EML2: variants seen among roughly 807,000 people sequenced by gnomAD.
EML2 encodes the protein EMAP like 2, also known as echinoderm microtubule-associated protein-like 2.
Under a neutral mutation model 84.7 loss-of-function variants are expected in EML2, and 59 were observed. That is an observed-to-expected ratio of 0.70 (90% CI 0.56 to 0.86). EML2 has a LOEUF of 0.86. Among genes scored for constraint, EML2 ranks in the 40% least tolerant of loss-of-function variants. The probability of loss-of-function intolerance (pLI) is 0.00; values close to 1 mark genes in which losing one functional copy is unlikely to be tolerated. For missense variants in EML2, 818 were observed against 855.6 expected (o/e 0.96, Z 0.55); for synonymous variants, 352 against 348.9 (o/e 1.01, Z -0.10).
upstream of EML2, among the ~76,000 whole-genome samples, chr19:45,644,107 T>G (rs1196334870): frequency 6.6e-6 from 1 of 152,240 alleles, no homozygotes; most frequent in Non-Finnish European, 1.5e-5. Context: ...AGCTTACATG[T>G]GCCAGGCACT....
intron 18 of EML2, among the ~76,000 whole-genome samples, chr19:45,610,065 G>A (rs976750323): frequency 6.6e-6 from 1 of 152,120 alleles, no homozygotes; most frequent in Admixed American, 6.6e-5. Context: ...TAGCAATGGG[G>A]TGTCCCAGTG....
rs1974063125 is a variant in EML2 at position 45,638,628 on chromosome 19, C to G, written c.56G>C (p.Gly19Ala). The change falls in exon 3 of 19, where the codon GGC (glycine) becomes GCC (alanine). Residue 19 changes from glycine (G) to alanine (A), a missense_variant. Transcript: ENST00000245925. The stretch of plus-strand genomic sequence containing the variant: ...GCCCCTCAGGAACATTTTCACGGAG[C>G]CATCCTCTGCCAGGACACCCCCAGA... ...TKEVIFSVED[G>A]SVKMFLRGRP... 3 of 1,613,760 alleles carry G rather than the reference C, an allele frequency of 1.9e-6. No individual in the cohort carries two copies. Among genetic ancestry groups the G allele is most frequent in the Non-Finnish European group, 2.5e-6 (3 of 1,179,918 alleles).
chr19:45,621,203 G>A lies in EML2; in HGVS notation c.1122+4C>T, dbSNP rs200862789. On this transcript the variant is annotated splice_donor_region_variant and intron_variant, in intron 11 of 18. Coordinates refer to ENST00000245925, the MANE Select transcript of EML2 (RefSeq NM_012155.4). ...GGGGAGGGGTGCAGAGGAGAGAGGC[G>A]CACCTGGACCAGCAGTGAGAAGCCT... 536 of 1,613,344 alleles carry A rather than the reference G, an allele frequency of 3.3e-4. 2 individuals carry two copies. In the African/African-American group the frequency reaches 4.5e-3, roughly 14 times the overall value.
chr19:45,641,344 A>G, upstream of EML2: 1 of 384,170 alleles, frequency 2.6e-6, no homozygotes, highest in East Asian at 5.3e-5. Context: ...CCTCTCCTGT[A>G]CCTTAATAAC....
chr19:45,621,055 C>A (rs1257493309), intron 11 of EML2, 152 bp downstream of exon 11: 2 of 1,206,628 alleles, frequency 1.7e-6, no homozygotes, highest in South Asian at 1.3e-5. Flanking sequence ...GTTGCTGGAT[C>A]CTGGGAAGGG....
upstream of EML2, chr19:45,645,359 C>A (rs1234878207): frequency 3.3e-6 from 5 of 1,528,536 alleles, no homozygotes; most frequent in South Asian, 1.2e-5. Flanking sequence ...ACAGCCACCG[C>A]CGGCCCCCCC....
At chr19:45,617,488 G>A (rs1971227357) in intron 13 of EML2, 142 bp downstream of exon 13, 7 of 675,736 alleles carry the variant, frequency 1.0e-5, no homozygotes, top group African/African-American at 1.8e-5. Context: ...AACCTGGGAG[G>A]CAGAGGCTGC....
chr19:45,626,956 TTTTC>T lies in EML2; in HGVS notation c.607-121_607-118del, dbSNP rs1261567112. On this transcript the variant is annotated intron_variant, in intron 7 of 18. Coordinates refer to ENST00000245925, the MANE Select transcript of EML2 (RefSeq NM_012155.4). ...TGTGTTGTATGCTGCACACCTGAAC[TTTTC>T]TTTTTTTTTTTTTTTTCAGGGCAGA... 4 of 843,210 alleles carry T rather than the reference TTTTC, an allele frequency of 4.7e-6. No homozygotes were observed. The African/African-American group carries it at 7.4e-5, about 16-fold the overall frequency. The allele number at this position is 843,210 out of a possible 1,614,324, so 52.2% of individuals were successfully genotyped here.
rs1972827731 is a variant in EML2, at chr19:45,629,970, G to A, written c.587C>T (p.Thr196Ile). 6.2e-7 allele frequency: 1 copy of A among 1,613,252 alleles called. No individual in the cohort carries two copies. The highest frequency in any genetic ancestry group is 1.1e-5 in the South Asian group (1 of 91,060). Residue 196 changes from threonine to isoleucine, a missense_variant, in exon 7 of 19, where the codon ACC becomes ATC. Coordinates refer to ENST00000245925, the MANE Select transcript of EML2 (RefSeq NM_012155.4). ...CCTCACCTTGACATCCACCACCTTG[G>A]TCTCCTTGGCCCAGTCCCACACCGA... ...MLSVWDWAKE[T>I]KVVDVKCSNE...
At chr19:45,645,458 C>T (rs1468877284), upstream of EML2, 2 of 1,409,736 alleles carry the variant, frequency 1.4e-6, no homozygotes, top group African/African-American at 1.5e-5. Context: ...CAGCTCAGCT[C>T]GCCTGGCATC....
chr19:45,616,628 C>A (rs1452603792), intron 14 of EML2, 70 bp from the exon 15 acceptor site: 2 of 1,416,064 alleles, frequency 1.4e-6, no homozygotes. Context: ...GACTCAGCCC[C>A]CTCAACAGTC....
chr19:45,613,067 T>C (rs576841949), intron 18 of EML2, among the ~76,000 whole-genome samples: 2 of 152,152 alleles, frequency 1.3e-5, no homozygotes, highest in South Asian at 4.2e-4. Flanking sequence ...CCAGCTAATT[T>C]TGTGTGTATT....
intron 3 of EML2, among the ~76,000 whole-genome samples, chr19:45,635,150 GT>G: frequency 6.6e-6 from 1 of 151,506 alleles, no homozygotes; most frequent in East Asian, 2.0e-4. Context: ...CGCGCGGCCT[GT>G]TTTGTTTTTT....
chr19:45,614,550 G>A (rs775413699), intron 17 of EML2, 55 bp downstream of exon 17: 29 of 1,473,752 alleles, frequency 2.0e-5, no homozygotes, highest in Admixed American at 3.4e-5. Flanking sequence ...CCACCAGCGG[G>A]GATGTCTCTC....
intron 7 of EML2, among the ~76,000 whole-genome samples, chr19:45,627,990 G>A (rs573239983): frequency 2.0e-5 from 3 of 152,086 alleles, no homozygotes; most frequent in South Asian, 2.1e-4. Flanking sequence ...GCTTGAACCC[G>A]GGAGGCGGAG....
chr19:45,633,166 A>G (rs951905017), intron 4 of EML2, 27 bp from the exon 5 acceptor site: 19 of 1,602,346 alleles, frequency 1.2e-5, no homozygotes, highest in Non-Finnish European at 1.6e-5. Flanking sequence ...CAGAGAGACC[A>G]GGGCTCAGTG....
intron 6 of EML2, 86 bp downstream of exon 6, chr19:45,632,775 C>G: frequency 1.0e-5 from 12 of 1,201,912 alleles, no homozygotes; most frequent in Non-Finnish European, 1.4e-5. Flanking sequence ...TCCCGGCCCT[C>G]AACCCAAGGG....
At chr19:45,615,265 G>A (rs1159695162) in intron 16 of EML2, among the ~76,000 whole-genome samples, 1 of 151,918 alleles carries the variant, frequency 6.6e-6, no homozygotes, top group Non-Finnish European at 1.5e-5. Flanking sequence ...GCTTGAACCT[G>A]GGAGGCGGAG....
intron 9 of EML2, among the ~76,000 whole-genome samples, chr19:45,623,203 C>CA (rs1206003609): frequency 2.0e-5 from 3 of 151,726 alleles, no homozygotes; most frequent in Non-Finnish European, 4.4e-5. Context: ...ACTAAAAATA[C>CA]AAAAAATTAG....
Sources: gnomAD v4.1 joint callset for allele counts (sites outside exome capture counted in the v4.1 genomes callset) on GRCh38, gnomAD v4.1.1 for gene constraint, MANE v1.5 for transcripts, NCBI Gene and HGNC (gene_info 2026-07-23, HGNC 2026-07-21) for gene names.